ZNF674: variants seen among roughly 807,000 people sequenced by gnomAD.
The protein encoded by ZNF674 is zinc finger protein 674, also known as zinc finger family member 674.
Under a neutral mutation model 7.0 loss-of-function variants are expected in ZNF674, and 2 were observed. The observed-to-expected ratio is 0.29, with a 90% CI of 0.12 to 0.90. The LOEUF (loss-of-function observed/expected upper bound fraction) is 0.90, where lower values mean the gene tolerates loss of function less well. Ranked by LOEUF, ZNF674 falls within the 40% of genes least tolerant of loss-of-function variation. The pLI is 0.57. For synonymous variants in ZNF674, 103 were observed against 145.2 expected, an observed-to-expected ratio of 0.71 and a Z score of 2.09; for missense variants, 297 against 415.5, an observed-to-expected ratio of 0.71 and a Z score of 2.48.
chrX:46,530,926 A>G (rs1437427218), intron 3 of ZNF674, among the ~76,000 whole-genome samples: 2 of 110,567 alleles, frequency 1.8e-5, no homozygotes, highest in East Asian at 5.7e-4. Flanking sequence ...CCTCCGAAAA[A>G]CCCCACTGTG....
At position 46,498,254 on chromosome X, in the gene ZNF674, T is replaced by C. The variant is rs1234300181; in HGVS notation, c.*1589A>G. On this transcript the variant is annotated 3_prime_UTR_variant, in exon 6 of 6. Coordinates refer to ENST00000683375, the MANE Select transcript of ZNF674 (RefSeq NM_001190417.2). ...ACTACTTTAAATAATACTGCTGTTATGGAAGATACTCTGAAAATTTTAAAT... is the reference window on the plus strand; with the variant it reads ...ACTACTTTAAATAATACTGCTGTTACGGAAGATACTCTGAAAATTTTAAAT... 9.0e-6 allele frequency: 1 copy of C among 111,704 alleles called. No individual in the cohort carries two copies. Among genetic ancestry groups the C allele is most frequent in the African/African-American group, 3.2e-5 (1 of 30,803 alleles). 9.2% of individuals were successfully genotyped at this position (111,704 alleles called of 1,213,427 possible). A position where few individuals can be genotyped will look rare whatever the true frequency, so the allele number is the denominator to read the frequency against.
chrX:46,525,062 A>G (rs1210891989), intron 5 of ZNF674, among the ~76,000 whole-genome samples: 2 of 111,272 alleles, frequency 1.8e-5, no homozygotes, highest in African/African-American at 6.5e-5. Flanking sequence ...AAGTATGATC[A>G]TATTCATTGA....
In ZNF674 at chrX:46,512,000, G is replaced by A. The variant is rs559440121; in HGVS notation, c.239-10665C>T. The stretch of plus-strand genomic sequence containing the variant: ...ATAACACCATTGCACTCCAGCCTGG[G>A]CAACAAGAGTGAAACTCCATCTCAA... On this transcript the variant is annotated intron_variant, in intron 5 of 5. Transcript: ENST00000683375. 3.8e-5 allele frequency among the ~76,000 whole-genome samples: 4 copies of A among 105,255 alleles called. No individual in the cohort carries two copies. In the East Asian group the frequency reaches 1.2e-3, roughly 32 times the overall value. The allele number at this position is 105,255 out of a possible 115,157, so 91.4% of individuals were successfully genotyped here.
chrX:46,517,993 C>G (rs1941800130), intron 5 of ZNF674: 1 of 108,577 alleles, frequency 9.2e-6, no homozygotes, highest in African/African-American at 3.4e-5. Flanking sequence ...CTACTATTTA[C>G]CCATAAAAAT....
At chrX:46,504,668 A>G (rs1399609343) in intron 5 of ZNF674, among the ~76,000 whole-genome samples, 1 of 110,400 alleles carries the variant, frequency 9.1e-6, no homozygotes, top group Non-Finnish European at 1.9e-5. Flanking sequence ...TGAGTGTAAC[A>G]ATCTGGTAAT....
intron 5 of ZNF674, among the ~76,000 whole-genome samples, chrX:46,521,937 G>T (rs1291318963): frequency 1.9e-5 from 2 of 108,006 alleles, no homozygotes; most frequent in African/African-American, 6.7e-5. Context: ...AGAAAAGAGT[G>T]CTATGAATAA....
intron 5 of ZNF674, among the ~76,000 whole-genome samples, chrX:46,518,877 C>T (rs763698393): frequency 9.8e-6 from 1 of 101,705 alleles, no homozygotes; most frequent in Admixed American, 1.1e-4. Flanking sequence ...GGTGACAGAG[C>T]GAGACTCCGT....
intron 5 of ZNF674, 43 bp downstream of exon 5, chrX:46,528,307 C>T (rs768876029): frequency 5.0e-6 from 6 of 1,189,622 alleles, no homozygotes; most frequent in Non-Finnish European, 6.9e-6. Flanking sequence ...ACCAACCAAC[C>T]TGGTCCCTTT....
intron 3 of ZNF674, among the ~76,000 whole-genome samples, chrX:46,532,232 C>T (rs377316365): frequency 1.4e-3 from 158 of 112,134 alleles, no homozygotes; most frequent in Middle Eastern, 4.6e-3. Context: ...TAAACCTCCT[C>T]TATTAGGAAT....
At chrX:46,534,950 A>G (rs1298536071) in intron 3 of ZNF674, among the ~76,000 whole-genome samples, 1 of 110,463 alleles carries the variant, frequency 9.1e-6, no homozygotes, top group Non-Finnish European at 1.9e-5. Flanking sequence ...CATGTTGGCC[A>G]GGCTGGTCTC....
rs376640339 is a variant in ZNF674, at chrX:46,536,586, CAAA to C, written c.15+5484_15+5486del. Among the ~76,000 whole-genome samples, 289 of 54,493 alleles carry C rather than the reference CAAA, an allele frequency of 5.3e-3. 2 individuals carry two copies. Among genetic ancestry groups the C allele is most frequent in the African/African-American group, 0.019 (275 of 14,517 alleles). 47.3% of individuals were successfully genotyped at this position (54,493 alleles called of 115,157 possible). ...GCCTGGCAACAGCAAGACTCCGTCT[CAAA>C]AAAAAAAAAAAAAAAAAGTTAGACG... On this transcript the variant is annotated intron_variant, in intron 3 of 5. Coordinates refer to ENST00000683375, the MANE Select transcript of ZNF674 (RefSeq NM_001190417.2).
intron 5 of ZNF674, among the ~76,000 whole-genome samples, chrX:46,515,990 G>A (rs1160290035): frequency 8.9e-6 from 1 of 111,755 alleles, no homozygotes; most frequent in Admixed American, 9.6e-5. Flanking sequence ...AGTACTTAGA[G>A]ATAGTTATGG....
intron 5 of ZNF674, among the ~76,000 whole-genome samples, chrX:46,520,980 A>C (rs1941898976): frequency 9.0e-6 from 1 of 111,264 alleles, no homozygotes; most frequent in South Asian, 3.8e-4. Context: ...TGAGCTCAGG[A>C]GTTTGAGACC....
Position 46,528,887 on chromosome X carries a change from A to G in ZNF674, c.38T>C (p.Val13Ala). Residue 13 changes from valine (V) to alanine (A), a missense_variant, in exon 4 of 6, where the codon GTG becomes GCG. Transcript: ENST00000683375. ...MSQESLTFKD[V>A]FVDFTLEEWQ... Reference sequence around the variant, plus strand: ...CTCCTCCAGGGTGAAGTCCACAAACACGTCCTTGAAGGTCAATGATTCCTG... The same window carrying G: ...CTCCTCCAGGGTGAAGTCCACAAACGCGTCCTTGAAGGTCAATGATTCCTG... 1 of 1,211,510 alleles carries G rather than the reference A, an allele frequency of 8.3e-7. No individual in the cohort carries two copies. Among genetic ancestry groups the G allele is most frequent in the Non-Finnish European group, 1.1e-6 (1 of 895,467 alleles).
chrX:46,539,117 C>T (rs1374974886), intron 3 of ZNF674, among the ~76,000 whole-genome samples: 1 of 111,440 alleles, frequency 9.0e-6, no homozygotes, highest in Non-Finnish European at 1.9e-5. Flanking sequence ...CCTAGGAGGT[C>T]GAAGCTGCAG....
chrX:46,502,715 T>C (rs1336397352), intron 5 of ZNF674, among the ~76,000 whole-genome samples: 1 of 111,955 alleles, frequency 8.9e-6, no homozygotes, highest in Non-Finnish European at 1.9e-5. Flanking sequence ...GTGCTCTGTG[T>C]TCATGATAGG....
intron 5 of ZNF674, among the ~76,000 whole-genome samples, 192 bp from the exon 6 acceptor site, chrX:46,501,527 T>C (rs899475937): frequency 7.2e-5 from 8 of 111,025 alleles, no homozygotes; most frequent in African/African-American, 2.6e-4. Flanking sequence ...AGTGGGAATT[T>C]AAAGTGAGAG....
At chrX:46,542,485 G>A (rs1330403435) in intron 2 of ZNF674, among the ~76,000 whole-genome samples, 1 of 111,764 alleles carries the variant, frequency 8.9e-6, no homozygotes. Flanking sequence ...GCTGAAGGAG[G>A]ATTGATTGAG....
At chrX:46,507,242 C>T (rs1399539445) in intron 5 of ZNF674, among the ~76,000 whole-genome samples, 1 of 111,060 alleles carries the variant, frequency 9.0e-6, no homozygotes, top group Non-Finnish European at 1.9e-5. Context: ...GTCCCAGCTA[C>T]TCGGGAGCCT....
Sources: gnomAD v4.1 joint callset for allele counts (sites outside exome capture counted in the v4.1 genomes callset) on GRCh38, gnomAD v4.1.1 for gene constraint, MANE v1.5 for transcripts, NCBI Gene and HGNC (gene_info 2026-07-23, HGNC 2026-07-21) for gene names.